ANKRD28: variants seen among roughly 807,000 people sequenced by gnomAD.
ANKRD28 encodes serine/threonine-protein phosphatase 6 regulatory ankyrin repeat subunit A.
A neutral mutation model predicts 126.5 loss-of-function variants in ANKRD28; 44 were observed. The ratio of observed to expected loss-of-function variants is 0.35; its 90% confidence interval spans 0.27 to 0.45. The LOEUF is 0.45. Among genes scored for constraint, ANKRD28 ranks in the 20% least tolerant of loss-of-function variants. ANKRD28 has a pLI of 1.00. For synonymous variants in ANKRD28, 442 were observed against 468.5 expected (o/e 0.94, Z 0.73); for missense variants, 1,110 against 1,316.6 (o/e 0.84, Z 2.43).
At chr3:15,802,350 G>A (rs547925305), upstream of ANKRD28, among the ~76,000 whole-genome samples, 2 of 152,216 alleles carry the variant, frequency 1.3e-5, no homozygotes, top group East Asian at 3.9e-4. Flanking sequence ...TGCCATACAA[G>A]CCTTGGACTG....
Position 15,842,085 on chromosome 3 carries a change from T to C in ANKRD28, c.27+17292A>G, listed in dbSNP as rs944863153. Among the ~76,000 whole-genome samples the C allele has an allele frequency of 4.1e-5, 6 of 148,104 alleles. No homozygotes were observed. The East Asian group carries it at 9.7e-4, about 24-fold the overall frequency. ...ATAATTTTATTTTATAATTTTTATA[T>C]TATTTTATAATAATTGATATATAAT... On this transcript the variant is annotated intron_variant, in intron 1 of 27. Coordinates refer to the ANKRD28 transcript ENST00000399451.
rs2060725279 is a variant in ANKRD28, at chr3:15,812,077, C to T, written c.28-16771G>A. Among the ~76,000 whole-genome samples the T allele has an allele frequency of 6.6e-6, 1 of 152,014 alleles. No individual in the cohort carries two copies. Among genetic ancestry groups the T allele is most frequent in the Non-Finnish European group, 1.5e-5 (1 of 67,988 alleles). ...CTGAGGTCGGAGAATCGCTTGAACCCAGGAGGCTGAGGTTGCAGTGAGCTG... is the reference window on the plus strand; with the variant it reads ...CTGAGGTCGGAGAATCGCTTGAACCTAGGAGGCTGAGGTTGCAGTGAGCTG... On this transcript the variant is annotated intron_variant, in intron 1 of 27. Coordinates refer to the ANKRD28 transcript ENST00000399451. This position sits in a 1 kb window ranked among gnomAD's most constrained non-coding sequence, Gnocchi z 4.1.
chr3:15,775,362 G>A (rs764937463), intron 2 of ANKRD28, among the ~76,000 whole-genome samples: 2 of 152,208 alleles, frequency 1.3e-5, no homozygotes, highest in African/African-American at 4.8e-5. Context: ...TACTTGATGT[G>A]TGGAGGTTGT....
In ANKRD28 at chr3:15,736,869, T is replaced by C. The variant is rs192409167; in HGVS notation, c.552+164A>G. Among the ~76,000 whole-genome samples the C allele has an allele frequency of 1.7e-3, 257 of 152,342 alleles. 2 individuals are homozygous for C. Among genetic ancestry groups the C allele is most frequent in the Non-Finnish European group, 2.3e-3 (154 of 68,034 alleles). ...CTGTGCACAAGTAGTATCTACTACA[T>C]ACATTTCTAAATTTGAGAAAGTTAT... On this transcript the variant is annotated intron_variant, in intron 5 of 27. Transcript: ENST00000683139.
intron 1 of ANKRD28, among the ~76,000 whole-genome samples, chr3:15,852,716 C>A (rs557834113): frequency 1.3e-5 from 2 of 151,446 alleles, no homozygotes; most frequent in Admixed American, 1.3e-4. Flanking sequence ...GCCTGTAATC[C>A]CAGCTATTTG....
At chr3:15,793,148 T>C (rs2060111038) in intron 2 of ANKRD28, among the ~76,000 whole-genome samples, 1 of 152,330 alleles carries the variant, frequency 6.6e-6, no homozygotes, top group Admixed American at 6.5e-5. Flanking sequence ...ACTGTCACAC[T>C]GACATAAAGC....
intron 4 of ANKRD28, among the ~76,000 whole-genome samples, 167 bp from the exon 5 acceptor site, chr3:15,737,400 A>G (rs2075091416): frequency 6.6e-6 from 1 of 152,110 alleles, no homozygotes; most frequent in Admixed American, 6.6e-5. Context: ...CAAGGAAAGA[A>G]AATATTTTGA....
rs530824895 is a variant in ANKRD28 at position 15,679,286 on chromosome 3, T to C, written c.2561+15A>G. The C allele has an allele frequency of 2.9e-5, 46 of 1,612,084 alleles. No homozygotes were observed. The highest frequency in any genetic ancestry group is 8.3e-5 in the Admixed American group (5 of 60,008). On this transcript the variant is annotated intron_variant, in intron 23 of 27. Coordinates refer to ENST00000683139, the MANE Select transcript of ANKRD28 (RefSeq NM_001349278.2). ...TGCCTGGCTAAAACTATTTAATACATAGTTGAATTCCTACCTTCCTTTTGA... is the reference window on the plus strand; with the variant it reads ...TGCCTGGCTAAAACTATTTAATACACAGTTGAATTCCTACCTTCCTTTTGA...
At chr3:15,818,279 G>A (rs2060874104) in intron 1 of ANKRD28, among the ~76,000 whole-genome samples, 1 of 152,160 alleles carries the variant, frequency 6.6e-6, no homozygotes, top group Admixed American at 6.5e-5. Flanking sequence ...AATCTGAAAT[G>A]CTGTAAACTC....
chr3:15,677,497 G>A lies in ANKRD28; in HGVS notation c.2773C>T (p.His925Tyr). ...LQDNSKNTAL[H>Y]LACSKGHETS... ...ATACATACCTTGCTACAAGCCAAATGGAGGGCAGTATTTTTACTGTTATCT... is the reference window on the plus strand; with the variant it reads ...ATACATACCTTGCTACAAGCCAAATAGAGGGCAGTATTTTTACTGTTATCT... The change falls in exon 25 of 28, where the codon CAT (histidine) becomes TAT (tyrosine). Residue 925 changes from histidine to tyrosine, a missense_variant. Transcript: ENST00000683139. 1 of 1,612,094 alleles carries A rather than the reference G, an allele frequency of 6.2e-7. No homozygotes were observed. Among genetic ancestry groups the A allele is most frequent in the Middle Eastern group, 1.7e-4 (1 of 6,058 alleles).
At chr3:15,722,990 C>G (rs964358441) in intron 7 of ANKRD28, among the ~76,000 whole-genome samples, 2 of 152,116 alleles carry the variant, frequency 1.3e-5, no homozygotes, top group African/African-American at 4.8e-5. Flanking sequence ...CTAAAAGGCT[C>G]TAAGTCTGGC....
At chr3:15,695,095 C>T (rs2069341423) in intron 16 of ANKRD28, 93 bp downstream of exon 16, 5 of 1,050,608 alleles carry the variant, frequency 4.8e-6, no homozygotes, top group African/African-American at 1.6e-5. Flanking sequence ...TGTAAAAACA[C>T]TTTCAGCTCT....
intron 1 of ANKRD28, among the ~76,000 whole-genome samples, chr3:15,836,871 TCAGGAGATCACAA>T (rs1559586872): frequency 1.0e-4 from 5 of 49,164 alleles, no homozygotes; most frequent in Non-Finnish European, 4.5e-4. Flanking sequence ...GATCACAAGG[TCAGGAGATCACAA>T]GGCCAGGAGA....
intron 2 of ANKRD28, among the ~76,000 whole-genome samples, chr3:15,772,212 A>G (rs2059048446): frequency 6.6e-6 from 1 of 152,192 alleles, no homozygotes; most frequent in Non-Finnish European, 1.5e-5. Flanking sequence ...TGAAAATGAT[A>G]AAGATGAAAA....
chr3:15,683,100 G>A (rs930729673), intron 21 of ANKRD28, among the ~76,000 whole-genome samples: 9 of 152,100 alleles, frequency 5.9e-5, no homozygotes, highest in African/African-American at 2.2e-4. Context: ...CTCTCCAAAG[G>A]ACAGTTACAG....
At chr3:15,849,706 G>A (rs1202058893) in intron 1 of ANKRD28, among the ~76,000 whole-genome samples, 1 of 152,110 alleles carries the variant, frequency 6.6e-6, no homozygotes, top group South Asian at 2.1e-4. Flanking sequence ...ATATCTCCTA[G>A]TTAACTCCCC....
chr3:15,785,578 A>G (rs1176825300), intron 2 of ANKRD28, among the ~76,000 whole-genome samples: 1 of 152,126 alleles, frequency 6.6e-6, no homozygotes, highest in Non-Finnish European at 1.5e-5. Context: ...GCTGGCAAGG[A>G]TATGAAACAA....
intron 1 of ANKRD28, among the ~76,000 whole-genome samples, chr3:15,795,566 G>A (rs577342695): frequency 2.0e-4 from 30 of 152,026 alleles, no homozygotes; most frequent in African/African-American, 5.8e-4. Flanking sequence ...TTTATTTCTT[G>A]TAAGTAGAAG....
chr3:15,737,154 G>A lies in ANKRD28; in HGVS notation c.431C>T (p.Ala144Val). Residue 144 changes from alanine to valine, a missense_variant, in exon 5 of 28, where the codon GCT becomes GTT. By Grantham distance (64) the Ala-to-Val change is moderately conservative. Transcript: ENST00000683139. ...ACACTTTACAGCTTTATTAGCAGCA[G>A]CTATATGTAAAGGGGTTTGCCAATT... ...DKNWQTPLHIAAANKAVKCAE... is the reference protein window; with the variant it reads ...DKNWQTPLHIVAANKAVKCAE... 1 of 1,613,980 alleles carries A rather than the reference G, an allele frequency of 6.2e-7. No individual in the cohort carries two copies. The highest frequency in any genetic ancestry group is 1.1e-5 in the South Asian group (1 of 91,080).
Sources: gnomAD v4.1 joint callset for allele counts (sites outside exome capture counted in the v4.1 genomes callset) on GRCh38, gnomAD v4.1.1 for gene constraint, Gnocchi (gnomAD v3.1) non-coding constraint, MANE v1.5 for transcripts, NCBI Gene and HGNC (gene_info 2026-07-23, HGNC 2026-07-21) for gene names.